Variants in SGK1 observed in about 807,000 individuals in gnomAD.
The protein encoded by SGK1 is serine/threonine-protein kinase Sgk1.
A neutral mutation model predicts 64.2 loss-of-function variants in SGK1; 26 were observed. The ratio of observed to expected loss-of-function variants is 0.40; its 90% CI spans 0.30 to 0.56. The LOEUF is 0.56. Among genes scored for constraint, SGK1 ranks in the 20% least tolerant of loss-of-function variants. SGK1 has a pLI of 0.38. For missense variants in SGK1, 519 were observed against 645.6 expected (o/e 0.80, Z 2.12); for synonymous variants, 265 against 239.7 (o/e 1.11, Z -0.98).
At chr6:134,220,083 A>AAAAAG (rs1333325961) in intron 2 of SGK1, among the ~76,000 whole-genome samples, 36 of 131,698 alleles carry the variant, frequency 2.7e-4, no homozygotes, top group South Asian at 1.2e-3. Context: ...AAAAAAAAAA[A>AAAAAG]AAAAGAAAAG....
At chr6:134,230,151 C>A (rs1256916130) in intron 2 of SGK1, among the ~76,000 whole-genome samples, 1 of 152,100 alleles carries the variant, frequency 6.6e-6, no homozygotes, top group Non-Finnish European at 1.5e-5. Context: ...GGCTTTACCC[C>A]TTGATGCTAT....
At chr6:134,171,986 C>A in intron 10 of SGK1, 1 of 702,994 alleles carries the variant, frequency 1.4e-6, no homozygotes, top group Admixed American at 2.7e-5. Context: ...GCAGATCTTA[C>A]TTACAAACAG....
chr6:134,177,701 C>T lies in SGK1; in HGVS notation c.362-3115G>A, dbSNP rs376372298. The T allele has an allele frequency of 8.1e-6, 13 of 1,613,818 alleles. No individual in the cohort carries two copies. The African/African-American group carries it at 9.3e-5, about 12-fold the overall frequency. On this transcript the variant is annotated intron_variant, in intron 3 of 13. Transcript: ENST00000367858. ...TTTTATAGCTTCTTCTTTCATTCTT[C>T]GGGTTGCCCAAGGATATGCAGGTTG... is the stretch of plus-strand genomic sequence containing the variant.
chr6:134,178,802 C>T (rs1431499952), intron 3 of SGK1, among the ~76,000 whole-genome samples: 1 of 151,964 alleles, frequency 6.6e-6, no homozygotes, highest in African/African-American at 2.4e-5. Flanking sequence ...AGGAGATAGG[C>T]TAATTACCTC....
In SGK1 at chr6:134,271,180, G is replaced by A. The variant is rs772958878; in HGVS notation, c.70-9032C>T. On this transcript the variant is annotated intron_variant, in intron 1 of 13. Transcript: ENST00000367858. ...CTAAAAATACAAAAATTAGTCGGGCGCGGGGGCACATGCCTGTAATTCCAG... is the reference window on the plus strand; with the variant it reads ...CTAAAAATACAAAAATTAGTCGGGCACGGGGGCACATGCCTGTAATTCCAG... 1.3e-3 allele frequency among the ~76,000 whole-genome samples: 173 copies of A among 134,308 alleles called. 19 individuals carry two copies. The highest frequency in any genetic ancestry group is 1.7e-3 in the Admixed American group (22 of 13,226). 88.1% of individuals were successfully genotyped at this position (134,308 alleles called of 152,430 possible). A position where few individuals can be genotyped will look rare whatever the true frequency, so the allele number is the denominator to read the frequency against.
chr6:134,274,946 A>C (rs562328379), intron 1 of SGK1, among the ~76,000 whole-genome samples: 44 of 152,226 alleles, frequency 2.9e-4, no homozygotes, highest in African/African-American at 1.1e-3. Context: ...CTGGGATTAC[A>C]GGCCTGCACC....
At chr6:134,187,995 G>A (rs1775450027) in intron 3 of SGK1, among the ~76,000 whole-genome samples, 1 of 152,198 alleles carries the variant, frequency 6.6e-6, no homozygotes, top group Non-Finnish European at 1.5e-5. Context: ...GCTGTAGCCA[G>A]GTTGGCCTTA....
intron 2 of SGK1, among the ~76,000 whole-genome samples, chr6:134,237,809 C>A (rs1776386953): frequency 1.3e-5 from 2 of 152,170 alleles, no homozygotes; most frequent in South Asian, 4.1e-4. Context: ...ACTGAAATAG[C>A]TTTCCACCAA....
chr6:134,221,938 C>T (rs1776096405), intron 2 of SGK1, among the ~76,000 whole-genome samples: 2 of 152,198 alleles, frequency 1.3e-5, no homozygotes, highest in Admixed American at 6.5e-5. Context: ...CAGGTGTGAG[C>T]TACCACGCCC....
intron 5 of SGK1, chr6:134,173,798 C>G: frequency 1.7e-6 from 1 of 578,050 alleles, no homozygotes; most frequent in Non-Finnish European, 3.0e-6. Context: ...TTTAAAATAA[C>G]CACTTTGGAG....
intron 1 of SGK1, chr6:134,297,962 C>CGG: frequency 1.2e-6 from 1 of 810,020 alleles, no homozygotes; most frequent in South Asian, 1.3e-5. Context: ...CGTCCATGTC[C>CGG]GGGGAGCGGC....
intron 3 of SGK1, among the ~76,000 whole-genome samples, chr6:134,204,624 G>A (rs1234471174): frequency 2.7e-5 from 4 of 150,538 alleles, no homozygotes; most frequent in Non-Finnish European, 5.9e-5. Context: ...CACAATCTTG[G>A]CTTACTGCAA....
chr6:134,208,505 T>C (rs1432310362), intron 2 of SGK1, among the ~76,000 whole-genome samples: 1 of 151,804 alleles, frequency 6.6e-6, no homozygotes, highest in East Asian at 1.9e-4. Flanking sequence ...CTGTACCCAG[T>C]GTGTAGTCTT....
chr6:134,254,183 G>T (rs1259620534), intron 2 of SGK1, among the ~76,000 whole-genome samples: 1 of 134,642 alleles, frequency 7.4e-6, no homozygotes, highest in African/African-American at 2.8e-5. Context: ...AAGGCAAAAA[G>T]AAAAAAGAGC....
intron 1 of SGK1, chr6:134,297,685 T>C (rs747766261): frequency 2.3e-6 from 1 of 434,672 alleles, no homozygotes; most frequent in Non-Finnish European, 4.3e-6. Flanking sequence ...GTATTTTTAG[T>C]AGAGACAGGG....
intron 2 of SGK1, among the ~76,000 whole-genome samples, chr6:134,245,723 G>T (rs1162161545): frequency 6.6e-6 from 1 of 152,204 alleles, no homozygotes; most frequent in African/African-American, 2.4e-5. Flanking sequence ...AGGACTAGTG[G>T]CTCATGCCTA....
intron 3 of SGK1, among the ~76,000 whole-genome samples, chr6:134,184,158 C>T (rs1229948343): frequency 6.6e-6 from 1 of 152,040 alleles, no homozygotes; most frequent in Non-Finnish European, 1.5e-5. Context: ...CTTTCCTCCT[C>T]AGGCTCACAT....
At chr6:134,295,730 T>C (rs1375306831) in intron 1 of SGK1, among the ~76,000 whole-genome samples, 1 of 147,964 alleles carries the variant, frequency 6.8e-6, no homozygotes, top group East Asian at 2.0e-4. Context: ...GCCCTATAGA[T>C]GGCAACCTGG....
chr6:134,262,059 G>T lies in SGK1; in HGVS notation c.159C>A (p.Ile53=). ...ACTCGAAGTCTGGCTCCCCTGGAGG[G>T]ATGTGCACCATGGAGGAGCCGGTGT... is the stretch of plus-strand genomic sequence containing the variant. ...LKYTGSSMVH[I]PPGEPDFESS... The change falls in exon 2 of 14, where the codon ATC becomes ATA. Residue 53 remains isoleucine (I), a synonymous_variant. Coordinates refer to ENST00000367858, the MANE Select transcript of SGK1 (RefSeq NM_001143676.3). The T allele has an allele frequency of 6.2e-7, 1 of 1,613,890 alleles. No homozygotes were observed. Among genetic ancestry groups the T allele is most frequent in the South Asian group, 1.1e-5 (1 of 91,078 alleles).
Sources: allele counts gnomAD v4.1 joint callset (sites outside exome capture counted in the v4.1 genomes callset), GRCh38; gene constraint gnomAD v4.1.1; transcripts MANE v1.5; gene names NCBI Gene and HGNC (gene_info 2026-07-23, HGNC 2026-07-21).